The following AUTS2 variants were observed in gnomAD, a reference collection of about 807,000 sequenced individuals.
AUTS2 encodes the protein activator of transcription and developmental regulator AUTS2, also known as autism susceptibility gene 2 protein.
A neutral mutation model predicts 112.4 loss-of-function variants in AUTS2; 17 were observed. The ratio of observed to expected loss-of-function variants is 0.15; its 90% confidence interval spans 0.10 to 0.23. The LOEUF (loss-of-function observed/expected upper bound fraction) is 0.23. AUTS2 is among the 10% of genes least tolerant of loss of function. The pLI is 1.00. For missense variants in AUTS2, 1,510 were observed against 1,701.6 expected (o/e 0.89, Z 1.98); for synonymous variants, 751 against 702.7 (o/e 1.07, Z -1.09).
chr7:70,443,518 C>T (rs990483589), intron 5 of AUTS2, among the ~76,000 whole-genome samples: 1 of 152,190 alleles, frequency 6.6e-6, no homozygotes, highest in Non-Finnish European at 1.5e-5. Context: ...CTTCCCTTTG[C>T]CAATGTGGAA....
At chr7:69,858,130 G>T (rs1450862537) in intron 1 of AUTS2, among the ~76,000 whole-genome samples, 1 of 152,194 alleles carries the variant, frequency 6.6e-6, no homozygotes, top group African/African-American at 2.4e-5. Flanking sequence ...CAAGGACCTG[G>T]TGTGTGGCTA....
intron 2 of AUTS2, among the ~76,000 whole-genome samples, chr7:70,089,607 A>C (rs185523025): frequency 1.0e-3 from 155 of 152,098 alleles, no homozygotes; most frequent in Admixed American, 3.6e-3. Context: ...GACTGTTTAT[A>C]TACTTTCTTG....
At chr7:70,284,725 T>C (rs543052357) in intron 4 of AUTS2, among the ~76,000 whole-genome samples, 2 of 152,270 alleles carry the variant, frequency 1.3e-5, no homozygotes, top group South Asian at 4.1e-4. Context: ...AAGTTCGTTA[T>C]AAAGAAGATG....
At chr7:70,520,992 T>C (rs897390042) in intron 5 of AUTS2, among the ~76,000 whole-genome samples, 5 of 152,206 alleles carry the variant, frequency 3.3e-5, no homozygotes, top group African/African-American at 1.2e-4. Context: ...ATTCTTTTCT[T>C]CCTTGGAAGT....
intron 1 of AUTS2, among the ~76,000 whole-genome samples, chr7:69,682,586 T>C (rs547927003): frequency 1.3e-5 from 2 of 152,352 alleles, no homozygotes; most frequent in South Asian, 4.2e-4. Context: ...AGGCTTAATA[T>C]TTGTCTCTTT....
At chr7:70,732,416 A>G (rs1050524470) in intron 6 of AUTS2, among the ~76,000 whole-genome samples, 1 of 152,140 alleles carries the variant, frequency 6.6e-6, no homozygotes, top group Non-Finnish European at 1.5e-5. Flanking sequence ...ACCTGTTGAG[A>G]AAGAGACAGA....
intron 18 of AUTS2, among the ~76,000 whole-genome samples, chr7:70,788,546 C>T (rs1408273873): frequency 2.0e-5 from 3 of 152,192 alleles, no homozygotes; most frequent in Non-Finnish European, 4.4e-5. Flanking sequence ...GACCCTAGGC[C>T]GCGAGCTCTC....
intron 4 of AUTS2, among the ~76,000 whole-genome samples, chr7:70,377,466 A>G (rs575727390): frequency 6.7e-6 from 1 of 148,408 alleles, no homozygotes; most frequent in Non-Finnish European, 1.5e-5. Context: ...GTTTATATTT[A>G]AACTATTTAA....
intron 2 of AUTS2, among the ~76,000 whole-genome samples, chr7:70,064,660 G>A (rs979854155): frequency 1.3e-5 from 2 of 152,124 alleles, no homozygotes; most frequent in African/African-American, 4.8e-5. Context: ...AAGACTTAAA[G>A]GCAAATGTGG....
chr7:70,647,150 G>A (rs532967467), intron 5 of AUTS2, among the ~76,000 whole-genome samples: 9 of 152,308 alleles, frequency 5.9e-5, no homozygotes, highest in East Asian at 1.9e-4. Context: ...TGGAGAATGC[G>A]TTCTGGTCCC....
At chr7:70,735,451 G>A (rs1787724759) in intron 6 of AUTS2, among the ~76,000 whole-genome samples, 1 of 152,268 alleles carries the variant, frequency 6.6e-6, no homozygotes. Context: ...AGTCAAGGCT[G>A]GGTTTGCCTA....
At chr7:69,954,522 T>C (rs768601046) in intron 2 of AUTS2, among the ~76,000 whole-genome samples, 1 of 152,180 alleles carries the variant, frequency 6.6e-6, no homozygotes, top group Admixed American at 6.5e-5. Context: ...TAGCTCACTG[T>C]AGGCTCGAAC....
intron 1 of AUTS2, among the ~76,000 whole-genome samples, chr7:69,648,582 A>G (rs2129129549): frequency 6.6e-6 from 1 of 151,684 alleles, no homozygotes; most frequent in African/African-American, 2.4e-5. Context: ...AACTTTTTTC[A>G]TAGTGTAGTA....
intron 1 of AUTS2, among the ~76,000 whole-genome samples, chr7:69,724,047 C>G (rs1055232092): frequency 6.6e-6 from 1 of 151,916 alleles, no homozygotes; most frequent in Non-Finnish European, 1.5e-5. Context: ...GAGGGGGTCT[C>G]CATGGTATTT....
intron 2 of AUTS2, among the ~76,000 whole-genome samples, chr7:70,033,399 T>G (rs1387753915): frequency 6.6e-6 from 1 of 152,112 alleles, no homozygotes; most frequent in East Asian, 1.9e-4. Context: ...ATACATGAAT[T>G]CTAGAAAAAG....
At chr7:69,933,638 C>G (rs747201590) in intron 2 of AUTS2, among the ~76,000 whole-genome samples, 1 of 152,032 alleles carries the variant, frequency 6.6e-6, no homozygotes, top group Non-Finnish European at 1.5e-5. Context: ...ATCCACTTGC[C>G]ACTTTCCTTT....
chr7:70,013,509 C>G (rs148473196), intron 2 of AUTS2, among the ~76,000 whole-genome samples: 61 of 152,294 alleles, frequency 4.0e-4, no homozygotes, highest in African/African-American at 1.3e-3. Context: ...TTTCCCCTCT[C>G]CACATTTGAC....
intron 5 of AUTS2, among the ~76,000 whole-genome samples, chr7:70,527,260 C>T (rs1799879264): frequency 6.6e-6 from 1 of 152,176 alleles, no homozygotes; most frequent in Admixed American, 6.5e-5. Context: ...TTTGAAGTTT[C>T]TGCTCATTGG....
intron 4 of AUTS2, among the ~76,000 whole-genome samples, chr7:70,320,853 G>A (rs1790220443): frequency 1.3e-5 from 2 of 152,262 alleles, no homozygotes; most frequent in East Asian, 1.9e-4. Flanking sequence ...AGTAGGATGG[G>A]GAAAGGAGGA....
Sources: gnomAD v4.1 joint callset for allele counts (sites outside exome capture counted in the v4.1 genomes callset) on GRCh38, gnomAD v4.1.1 for gene constraint, MANE v1.5 for transcripts, NCBI Gene and HGNC (gene_info 2026-07-23, HGNC 2026-07-21) for gene names.